Variants in PAK5 observed in about 807,000 individuals in gnomAD.
The protein encoded by PAK5 is p21 (RAC1) activated kinase 5.
PAK5 carries 16 observed loss-of-function variants against 65.9 expected under a neutral mutation model. The ratio of observed to expected loss-of-function variants is 0.24; its 90% confidence interval spans 0.16 to 0.37. The LOEUF (loss-of-function observed/expected upper bound fraction) is 0.37, where lower values mean the gene tolerates loss of function less well. Ranked by LOEUF, PAK5 falls within the 10% of genes least tolerant of loss-of-function variation. PAK5 has a pLI of 1.00. For synonymous variants in PAK5, 371 were observed against 354.9 expected (o/e 1.05, Z -0.51); for missense variants, 785 against 903.9 (o/e 0.87, Z 1.69).
chr20:9,580,304 G>T lies in PAK5; in HGVS notation c.831C>A (p.Ser277Arg). 1 of 1,614,128 alleles carries T rather than the reference G, an allele frequency of 6.2e-7. No individual in the cohort carries two copies. Among genetic ancestry groups the T allele is most frequent in the Non-Finnish European group, 8.5e-7 (1 of 1,180,012 alleles). ...RPKSSYLNQT[S>R]PQPTMRQRSR... Reference sequence around the variant, plus strand: ...ACCTCTGCCGCATGGTGGGCTGAGGGCTTGTCTGATTCAGGTACGAAGACT... The same window carrying T: ...ACCTCTGCCGCATGGTGGGCTGAGGTCTTGTCTGATTCAGGTACGAAGACT... Residue 277 changes from serine to arginine, a missense_variant, in exon 4 of 10, where the codon AGC becomes AGA. Transcript: ENST00000353224.
chr20:9,771,011 G>A (rs911646063), intron 1 of PAK5, among the ~76,000 whole-genome samples: 1 of 152,108 alleles, frequency 6.6e-6, no homozygotes, highest in African/African-American at 2.4e-5. Context: ...AAACGTAAGA[G>A]AACATGAATA....
chr20:9,588,945 T>C (rs2046117680), intron 3 of PAK5, among the ~76,000 whole-genome samples: 1 of 152,192 alleles, frequency 6.6e-6, no homozygotes, highest in South Asian at 2.1e-4. Context: ...TAAGCTATAA[T>C]GGATCTGTCT....
intron 2 of PAK5, among the ~76,000 whole-genome samples, chr20:9,665,508 G>A (rs1240488570): frequency 6.6e-6 from 1 of 151,578 alleles, no homozygotes; most frequent in African/African-American, 2.4e-5. Flanking sequence ...TTTGAGTCAG[G>A]GTCTTGCTCT....
intron 1 of PAK5, among the ~76,000 whole-genome samples, chr20:9,836,682 G>C (rs1320074923): frequency 6.6e-6 from 1 of 152,124 alleles, no homozygotes; most frequent in Non-Finnish European, 1.5e-5. Flanking sequence ...AACTAATATA[G>C]TTGGGAAATT....
intron 3 of PAK5, among the ~76,000 whole-genome samples, chr20:9,597,727 G>T (rs1276489987): frequency 6.6e-6 from 1 of 152,196 alleles, no homozygotes; most frequent in African/African-American, 2.4e-5. Flanking sequence ...AGGCTGTGCA[G>T]CTTTGAATCC....
intron 1 of PAK5, among the ~76,000 whole-genome samples, chr20:9,747,788 C>T (rs1021969257): frequency 4.6e-5 from 7 of 150,696 alleles, no homozygotes; most frequent in Non-Finnish European, 8.9e-5. Context: ...GACAGGGATG[C>T]CCTCTCTCAC....
chr20:9,587,153 T>A (rs2046084302), intron 3 of PAK5, among the ~76,000 whole-genome samples: 1 of 152,120 alleles, frequency 6.6e-6, no homozygotes, highest in Non-Finnish European at 1.5e-5. Context: ...CGGGCTGCAG[T>A]GGTAAATTTT....
intron 1 of PAK5, among the ~76,000 whole-genome samples, chr20:9,834,554 T>A (rs1978996298): frequency 6.6e-6 from 1 of 152,274 alleles, no homozygotes; most frequent in African/African-American, 2.4e-5. Context: ...AATTGCATGC[T>A]CTTCTATATA....
chr20:9,713,067 A>G (rs1043434715), intron 1 of PAK5, among the ~76,000 whole-genome samples: 4 of 152,164 alleles, frequency 2.6e-5, no homozygotes, highest in African/African-American at 9.7e-5. Flanking sequence ...AACAATCGAC[A>G]AAGTTAAGAG....
chr20:9,681,600 T>C (rs780530898), intron 2 of PAK5, among the ~76,000 whole-genome samples: 1 of 152,186 alleles, frequency 6.6e-6, no homozygotes, highest in Non-Finnish European at 1.5e-5. Context: ...TTTATCTCTT[T>C]ATAGCCTTTT....
chr20:9,701,603 T>A (rs1569048053), intron 2 of PAK5, among the ~76,000 whole-genome samples: 1 of 152,140 alleles, frequency 6.6e-6, no homozygotes, highest in East Asian at 1.9e-4. Context: ...TTCAGGCAAG[T>A]AGAGAGACAA....
intron 1 of PAK5, among the ~76,000 whole-genome samples, chr20:9,828,826 T>C (rs34137368): frequency 0.017 from 2,617 of 151,646 alleles, 29 homozygotes; most frequent in Non-Finnish European, 0.028. Flanking sequence ...GGTGGGAGTT[T>C]CTCTCTCTCT....
At chr20:9,809,390 TTG>T (rs2049272191) in intron 1 of PAK5, among the ~76,000 whole-genome samples, 1 of 147,736 alleles carries the variant, frequency 6.8e-6, no homozygotes, top group Non-Finnish European at 1.5e-5. Flanking sequence ...ATTCTAGGGT[TTG>T]GGAATAACTT....
intron 2 of PAK5, among the ~76,000 whole-genome samples, chr20:9,656,139 A>G (rs2047264989): frequency 6.6e-6 from 1 of 152,144 alleles, no homozygotes; most frequent in Non-Finnish European, 1.5e-5. Context: ...AAGCCTAGAT[A>G]CTTTCCTTTC....
chr20:9,574,156 C>T (rs939531584), intron 4 of PAK5, among the ~76,000 whole-genome samples: 2 of 152,128 alleles, frequency 1.3e-5, no homozygotes, highest in African/African-American at 4.8e-5. Context: ...AGGATAGAGA[C>T]TGGCAATTAG....
intron 1 of PAK5, among the ~76,000 whole-genome samples, chr20:9,811,579 C>T (rs552062161): frequency 1.3e-5 from 2 of 152,146 alleles, no homozygotes; most frequent in African/African-American, 4.8e-5. Context: ...GACTGGACAG[C>T]CCACGGAACT....
At chr20:9,837,771 T>C (rs1421028879) in intron 1 of PAK5, among the ~76,000 whole-genome samples, 2 of 152,180 alleles carry the variant, frequency 1.3e-5, no homozygotes, top group South Asian at 2.1e-4. Flanking sequence ...GGTTTCCTGA[T>C]TTTCCTAAAA....
chr20:9,829,998 AC>A (rs1433507270), intron 1 of PAK5, among the ~76,000 whole-genome samples: 4 of 151,734 alleles, frequency 2.6e-5, no homozygotes, highest in Non-Finnish European at 4.4e-5. Flanking sequence ...TCTTTTTTCA[AC>A]CCCCACTGGG....
intron 3 of PAK5, among the ~76,000 whole-genome samples, chr20:9,609,205 TCCC>T (rs1249703317): frequency 2.6e-5 from 4 of 152,216 alleles, no homozygotes; most frequent in South Asian, 2.1e-4. Context: ...TGCCTTTGCC[TCCC>T]CAGGCCCAGT....
Sources: allele counts gnomAD v4.1 joint callset (sites outside exome capture counted in the v4.1 genomes callset), GRCh38; gene constraint gnomAD v4.1.1; transcripts MANE v1.5; gene names NCBI Gene and HGNC (gene_info 2026-07-23, HGNC 2026-07-21).